Variants in PAPLN observed in about 807,000 individuals in gnomAD.
PAPLN encodes the protein papilin, proteoglycan like sulfated glycoprotein, also known as papilin.
A neutral mutation model predicts 159.0 loss-of-function variants in PAPLN; 146 were observed. The observed-to-expected ratio is 0.92, with a 90% CI of 0.80 to 1.05. PAPLN has a LOEUF of 1.05. PAPLN is among the 50% of genes least tolerant of loss of function. The probability of loss-of-function intolerance (pLI) is 0.00; values close to 1 mark genes in which losing one functional copy is unlikely to be tolerated. For missense variants in PAPLN, 1,720 were observed against 1,743.9 expected (o/e 0.99, Z 0.24); for synonymous variants, 734 against 702.9 (o/e 1.04, Z -0.70).
chr14:73,270,813 C>T (rs1887652650), intron 26 of PAPLN, among the ~76,000 whole-genome samples: 1 of 152,170 alleles, frequency 6.6e-6, no homozygotes, highest in African/African-American at 2.4e-5. Flanking sequence ...TGGCCACTCT[C>T]CTCCGGTCCT....
At chr14:73,257,753 CTTTTTTTTTTTTTT>C (rs562890068) in intron 14 of PAPLN, among the ~76,000 whole-genome samples, 1 of 91,240 alleles carries the variant, frequency 1.1e-5, no homozygotes, top group South Asian at 3.8e-4. Context: ...TCTCTTTCTT[CTTTTTTTTTTTTTT>C]TTTTTTTTTT....
chr14:73,252,725 G>T lies in PAPLN; in HGVS notation c.1044G>T (p.Arg348=), dbSNP rs1378995481. 3.7e-6 allele frequency: 6 copies of T among 1,613,546 alleles called. No individual in the cohort carries two copies. Among genetic ancestry groups the T allele is most frequent in the Admixed American group, 1.7e-5 (1 of 60,022 alleles). ...ACCACATGTGCCAGCGCCAGCCACG[G>T]CCAGCTGACCGGCGTTCCTGCAATC... ...YPDHMCQRQP[R]PADRRSCNLH... Residue 348 remains arginine (R), a synonymous_variant, in exon 11 of 27, where the codon CGG becomes CGT. Transcript: ENST00000644200.
chr14:73,266,110 G>A (rs537584457), intron 23 of PAPLN, among the ~76,000 whole-genome samples: 7 of 152,242 alleles, frequency 4.6e-5, no homozygotes, highest in Admixed American at 3.3e-4. Flanking sequence ...AGGCCGAGAC[G>A]GGGGTGGATC....
intron 16 of PAPLN, 84 bp downstream of exon 16, chr14:73,259,629 A>G (rs184421015): frequency 7.1e-7 from 1 of 1,403,504 alleles, no homozygotes; most frequent in African/African-American, 1.5e-5. Flanking sequence ...CTCTGATCAG[A>G]AGAGGGCTGG....
At chr14:73,254,468 C>T in intron 12 of PAPLN, 45 bp from the exon 13 acceptor site, 2 of 1,602,242 alleles carry the variant, frequency 1.2e-6, no homozygotes, top group Non-Finnish European at 1.7e-6. Flanking sequence ...TGGCGTGGCT[C>T]CTGGGGGCAA....
chr14:73,266,458 A>T, intron 23 of PAPLN, 43 bp from the exon 24 acceptor site: 1 of 1,606,316 alleles, frequency 6.2e-7, no homozygotes, highest in Non-Finnish European at 8.5e-7. Context: ...AGGAGAGGGG[A>T]GGCTCCTTGG....
rs370302251 is a variant in PAPLN at position 73,272,593 on chromosome 14, G to A, written c.3766G>A (p.Glu1256Lys). 60 of 1,604,892 alleles carry A rather than the reference G, an allele frequency of 3.7e-5. No individual in the cohort carries two copies. In the African/African-American group the frequency reaches 7.6e-4, roughly 20 times the overall value. The change falls in exon 27 of 27, where the codon GAG becomes AAG. Residue 1256 changes from glutamate to lysine, a missense_variant. Transcript: ENST00000644200. ...CCTGCAGGCCCAGCTTTGTGGCAATGAGTATTACTCCAGCTTCTGCTGTGC... is the reference window on the plus strand; with the variant it reads ...CCTGCAGGCCCAGCTTTGTGGCAATAAGTATTACTCCAGCTTCTGCTGTGC... ...LILQAQLCGNEYYSSFCCASC... is the reference protein window; with the variant it reads ...LILQAQLCGNKYYSSFCCASC...
At chr14:73,263,500 C>T (rs901741847) in intron 19 of PAPLN, 145 bp from the exon 20 acceptor site, 1 of 1,014,666 alleles carries the variant, frequency 9.9e-7, no homozygotes, top group African/African-American at 1.6e-5. Context: ...GCTTCTGGGG[C>T]TCTGCCTCCC....
At chr14:73,248,491 G>T (rs1029595121) in intron 5 of PAPLN, among the ~76,000 whole-genome samples, 3 of 152,154 alleles carry the variant, frequency 2.0e-5, no homozygotes, top group African/African-American at 7.2e-5. Flanking sequence ...GTTTTAAAAT[G>T]TGTATATATT....
intron 23 of PAPLN, 76 bp from the exon 24 acceptor site, chr14:73,266,425 C>A: frequency 6.4e-7 from 1 of 1,552,286 alleles, no homozygotes. Flanking sequence ...CTCCCTGACC[C>A]CATGCTCGAG....
At chr14:73,252,329 G>A (rs1432979130) in intron 10 of PAPLN, among the ~76,000 whole-genome samples, 188 bp downstream of exon 10, 2 of 152,192 alleles carry the variant, frequency 1.3e-5, no homozygotes, top group African/African-American at 4.8e-5. Flanking sequence ...CTCCATGAAG[G>A]ACCCCAGCCT....
chr14:73,240,779 C>G (rs950894707), intron 2 of PAPLN, among the ~76,000 whole-genome samples: 1 of 152,204 alleles, frequency 6.6e-6, no homozygotes, highest in Non-Finnish European at 1.5e-5. Context: ...TACAAGGAAT[C>G]TTCTAGACCA....
intron 11 of PAPLN, chr14:73,253,296 G>A (rs1048071133): frequency 9.9e-5 from 128 of 1,287,474 alleles, no homozygotes; most frequent in South Asian, 7.3e-4. Context: ...TGGTGGCAGC[G>A]GGCCTCCTGG....
At chr14:73,255,151 C>G in intron 14 of PAPLN, 133 bp downstream of exon 14, 5 of 1,284,376 alleles carry the variant, frequency 3.9e-6, no homozygotes, top group Non-Finnish European at 5.3e-6. Flanking sequence ...TCTCCCATGT[C>G]TCCCCCCGCT....
At chr14:73,262,075 G>A (rs534175087) in intron 18 of PAPLN, 161 of 413,258 alleles carry the variant, frequency 3.9e-4, no homozygotes, top group Admixed American at 5.8e-4. Flanking sequence ...AGGTCCAAGG[G>A]AGCCGGCCCA....
chr14:73,252,034 C>T lies in PAPLN; in HGVS notation c.860C>T (p.Pro287Leu). The T allele has an allele frequency of 6.2e-7, 1 of 1,610,230 alleles. No homozygotes were observed. The highest frequency in any genetic ancestry group is 8.5e-7 in the Non-Finnish European group (1 of 1,178,226). The part of the protein sequence containing the change: ...PLVIELISQE[P>L]NPGVHYEYHL... ...CCGTGACAGCTCATCAGCCAGGAGC[C>T]CAACCCCGGTGTGCACTATGAGTAC... Residue 287 changes from proline (P) to leucine (L), a missense_variant, in exon 10 of 27, where the codon CCC becomes CTC. By Grantham distance (98) the Pro-to-Leu change is moderately conservative. Coordinates refer to ENST00000644200, the MANE Select transcript of PAPLN (RefSeq NM_001365906.3).
At chr14:73,254,822 C>T in intron 13 of PAPLN, 55 bp from the exon 14 acceptor site, 3 of 1,601,106 alleles carry the variant, frequency 1.9e-6, no homozygotes, top group Non-Finnish European at 1.7e-6. Context: ...CCATGTGGGT[C>T]CCCGCCCCCA....
intron 6 of PAPLN, 118 bp from the exon 7 acceptor site, chr14:73,250,789 C>T: frequency 7.8e-7 from 1 of 1,279,408 alleles, no homozygotes; most frequent in Non-Finnish European, 1.0e-6. Flanking sequence ...GGCTGAATCA[C>T]TCCCGACCAC....
chr14:73,239,606 C>A, intron 1 of PAPLN, 167 bp from the exon 2 acceptor site: 1 of 1,303,140 alleles, frequency 7.7e-7, no homozygotes, highest in Non-Finnish European at 9.9e-7. Flanking sequence ...CGGCGGGGCG[C>A]CCTCACGCTG....
Sources: allele counts gnomAD v4.1 joint callset (sites outside exome capture counted in the v4.1 genomes callset), GRCh38; gene constraint gnomAD v4.1.1; transcripts MANE v1.5; gene names NCBI Gene and HGNC (gene_info 2026-07-23, HGNC 2026-07-21).